Variants in GARRE1 observed in about 807,000 individuals in gnomAD.
GARRE1 encodes the protein granule associated Rac and RHOG effector protein 1.
A neutral mutation model predicts 103.2 loss-of-function variants in GARRE1; 49 were observed. That is an observed-to-expected ratio of 0.47 (90% CI 0.38 to 0.60). The LOEUF (loss-of-function observed/expected upper bound fraction) is 0.60. Ranked by LOEUF, GARRE1 falls within the 20% of genes least tolerant of loss-of-function variation. GARRE1 has a pLI of 0.00. For missense variants in GARRE1, 1,199 were observed against 1,370.5 expected (o/e 0.87, Z 1.98); for synonymous variants, 505 against 532.8 (o/e 0.95, Z 0.72).
chr19:34,319,052 T>C (rs1303237232), intron 2 of GARRE1, among the ~76,000 whole-genome samples: 3 of 152,022 alleles, frequency 2.0e-5, no homozygotes, highest in Admixed American at 6.6e-5. Flanking sequence ...AGAGAACACA[T>C]TGTAACTGTG....
At chr19:34,332,279 C>G (rs777165377) in intron 7 of GARRE1, among the ~76,000 whole-genome samples, 12 of 151,954 alleles carry the variant, frequency 7.9e-5, no homozygotes, top group Non-Finnish European at 1.3e-4. Context: ...AGTAGTAAAC[C>G]AGAGATGCCT....
chr19:34,311,175 A>G (rs998788766), intron 2 of GARRE1, among the ~76,000 whole-genome samples: 2 of 151,904 alleles, frequency 1.3e-5, no homozygotes, highest in African/African-American at 4.8e-5. Context: ...ATTTTTTTGT[A>G]GAGTTGGGGT....
In GARRE1 at chr19:34,299,998, A is replaced by C. The variant is rs2073968260; in HGVS notation, c.-476A>C. On this transcript the variant is annotated 5_prime_UTR_variant, in exon 2 of 14. Coordinates refer to ENST00000299505, the MANE Select transcript of GARRE1 (RefSeq NM_014686.5). The stretch of plus-strand genomic sequence containing the variant: ...TCTTCCTTCTTAAGGACTTTGTGTG[A>C]AGTAATTCTTTACTGCTTTTAAATT... 6.5e-6 allele frequency: 1 copy of C among 152,872 alleles called. No individual in the cohort carries two copies. The highest frequency in any genetic ancestry group is 2.4e-5 in the African/African-American group (1 of 41,496). 9.5% of individuals were successfully genotyped at this position (152,872 alleles called of 1,614,324 possible).
At position 34,348,129 on chromosome 19, in the gene GARRE1, T is replaced by C; in HGVS notation, c.2687+87T>C. 2.5e-6 allele frequency: 3 copies of C among 1,176,830 alleles called. No individual in the cohort carries two copies. The South Asian group carries it at 7.5e-5, about 29-fold the overall frequency. 72.9% of individuals were successfully genotyped at this position (1,176,830 alleles called of 1,614,324 possible). A position where few individuals can be genotyped will look rare whatever the true frequency, so the allele number is the denominator to read the frequency against. ...TGAGAAGAGAGGCTCCTTGCCTGTG[T>C]GCATTCTTTTCAGGCAGTTCAATTC... On this transcript the variant is annotated intron_variant, in intron 11 of 13. Transcript: ENST00000299505.
At chr19:34,274,800 T>C (rs1320231770) in intron 1 of GARRE1, among the ~76,000 whole-genome samples, 1 of 152,216 alleles carries the variant, frequency 6.6e-6, no homozygotes, top group Non-Finnish European at 1.5e-5. Context: ...CTTTTCGTGT[T>C]AGCAGCTTAC....
At chr19:34,308,027 T>C (rs191804741) in intron 2 of GARRE1, among the ~76,000 whole-genome samples, 1 of 151,324 alleles carries the variant, frequency 6.6e-6, no homozygotes, top group Admixed American at 6.6e-5. Flanking sequence ...TTTTGTATAC[T>C]ATGTGATTAC....
intron 1 of GARRE1, among the ~76,000 whole-genome samples, chr19:34,293,141 G>T (rs534323122): frequency 2.0e-5 from 3 of 152,300 alleles, no homozygotes. Flanking sequence ...ACAGTGAAGA[G>T]ATTTTTACAT....
At chr19:34,316,027 C>A (rs2074058810) in intron 2 of GARRE1, among the ~76,000 whole-genome samples, 1 of 152,184 alleles carries the variant, frequency 6.6e-6, no homozygotes, top group Non-Finnish European at 1.5e-5. Flanking sequence ...TGGCTTCATT[C>A]TGGATCTTGT....
At chr19:34,320,540 C>T (rs1363945912) in intron 3 of GARRE1, among the ~76,000 whole-genome samples, 3 of 152,086 alleles carry the variant, frequency 2.0e-5, no homozygotes, top group Admixed American at 6.6e-5. Flanking sequence ...AGCCAGGCAG[C>T]GAGGCAGGCG....
intron 2 of GARRE1, among the ~76,000 whole-genome samples, chr19:34,307,466 A>T (rs1485352982): frequency 6.6e-6 from 1 of 151,286 alleles, no homozygotes; most frequent in Non-Finnish European, 1.5e-5. Context: ...ATTTTTATTG[A>T]CTTTTCAAGT....
intron 1 of GARRE1, among the ~76,000 whole-genome samples, chr19:34,291,330 C>A (rs1473717509): frequency 2.6e-5 from 4 of 152,198 alleles, no homozygotes; most frequent in Non-Finnish European, 4.4e-5. Flanking sequence ...GCACTAAAGT[C>A]ATCCCTGGAA....
At chr19:34,343,684 C>CA (rs534889102) in intron 10 of GARRE1, among the ~76,000 whole-genome samples, 324 of 151,656 alleles carry the variant, frequency 2.1e-3, no homozygotes, top group African/African-American at 7.4e-3. Flanking sequence ...CCCATCTCTA[C>CA]AAAAAATAAA....
At position 34,332,968 on chromosome 19, in the gene GARRE1, G is replaced by A. The variant is rs73582610; in HGVS notation, c.1264-736G>A. On this transcript the variant is annotated intron_variant, in intron 7 of 13. Transcript: ENST00000299505. The stretch of plus-strand genomic sequence containing the variant: ...AGTTTTTATTGATGGTTGAGGATAA[G>A]ATAATCTTTAAAAAAGTTTCATCCA... 6.2e-3 allele frequency among the ~76,000 whole-genome samples: 937 copies of A among 152,228 alleles called. 11 individuals are homozygous for A. The highest frequency in any genetic ancestry group is 0.021 in the African/African-American group (868 of 41,540).
rs1018456778 is a variant in GARRE1 at position 34,262,287 on chromosome 19, CTTTTTTTTTTTTTT to C, written c.-796+7688_-796+7701del. On this transcript the variant is annotated intron_variant, in intron 1 of 13. Transcript: ENST00000299505. ...AGTGAGCCACCATGCCCAGCTGCTG[CTTTTTTTTTTTTTT>C]TTTTTTTTTTTTTTGAGGCGGAGTC... Among the ~76,000 whole-genome samples, 114 of 35,770 alleles carry C rather than the reference CTTTTTTTTTTTTTT, an allele frequency of 3.2e-3. 3 individuals are homozygous for C. The highest frequency in any genetic ancestry group is 0.019 in the Admixed American group (41 of 2,120). 23.5% of individuals were successfully genotyped at this position (35,770 alleles called of 152,430 possible). A position where few individuals can be genotyped will look rare whatever the true frequency, so the allele number is the denominator to read the frequency against.
In GARRE1 at chr19:34,300,446, C is replaced by G. The variant is rs777949055; in HGVS notation, c.-28C>G. 1.3e-6 allele frequency: 2 copies of G among 1,524,254 alleles called. No individual in the cohort carries two copies. The highest frequency in any genetic ancestry group is 1.8e-6 in the Non-Finnish European group (2 of 1,133,854). The allele number at this position is 1,524,254 out of a possible 1,614,324, so 94.4% of individuals were successfully genotyped here. ...AAGAATCAGAACCCTGACCCACTTA[C>G]GGTTGCTGGGACAATTCCCCCTCCC... On this transcript the variant is annotated 5_prime_UTR_variant, in exon 2 of 14. Transcript: ENST00000299505.
intron 1 of GARRE1, among the ~76,000 whole-genome samples, chr19:34,282,419 G>A (rs538962827): frequency 6.6e-6 from 1 of 152,272 alleles, no homozygotes; most frequent in Non-Finnish European, 1.5e-5. Flanking sequence ...CAAAGTGCTC[G>A]GATTACAGGC....
chr19:34,318,301 G>A (rs1478688840), intron 2 of GARRE1, among the ~76,000 whole-genome samples: 1 of 152,222 alleles, frequency 6.6e-6, no homozygotes, highest in African/African-American at 2.4e-5. Flanking sequence ...GAGAGTCCAC[G>A]TGTGCACCTG....
intron 2 of GARRE1, among the ~76,000 whole-genome samples, chr19:34,313,650 A>C (rs528938543): frequency 6.6e-6 from 1 of 152,296 alleles, no homozygotes; most frequent in South Asian, 2.1e-4. Flanking sequence ...TTCTTGATGG[A>C]AGTGACAAAT....
In GARRE1 at chr19:34,287,136, CAA is replaced by C. The variant is rs34541474; in HGVS notation, c.-795-12525_-795-12524del. On this transcript the variant is annotated intron_variant, in intron 1 of 13. Transcript: ENST00000299505. ...CCTGGGAGACAGAGCAAGACTGTCT[CAA>C]AAAAAAAAAAAAAAAAAGTGTATTC... is the stretch of plus-strand genomic sequence containing the variant. Among the ~76,000 whole-genome samples the C allele has an allele frequency of 5.0e-3, 498 of 98,762 alleles. 2 individuals are homozygous for C. Among genetic ancestry groups the C allele is most frequent in the Non-Finnish European group, 6.1e-3 (314 of 51,128 alleles). 64.8% of individuals were successfully genotyped at this position (98,762 alleles called of 152,430 possible).
Sources: gnomAD v4.1 joint callset for allele counts (sites outside exome capture counted in the v4.1 genomes callset) on GRCh38, gnomAD v4.1.1 for gene constraint, MANE v1.5 for transcripts, NCBI Gene and HGNC (gene_info 2026-07-23, HGNC 2026-07-21) for gene names.